The following PKIB variants were observed in gnomAD, a reference collection of about 807,000 sequenced individuals.
PKIB encodes the protein PKI-beta.
A neutral mutation model predicts 4.5 loss-of-function variants in PKIB; 2 were observed. That is an observed-to-expected ratio of 0.44 (90% CI 0.18 to 1.39). The LOEUF (loss-of-function observed/expected upper bound fraction) is 1.39. Ranked by LOEUF, PKIB falls within the 40% of genes most tolerant of loss-of-function variation. The probability of loss-of-function intolerance (pLI) is 0.27; values close to 1 mark genes in which losing one functional copy is unlikely to be tolerated. For missense variants in PKIB, 94 were observed against 92.6 expected (o/e 1.02, Z -0.06); for synonymous variants, 38 against 36.0 (o/e 1.06, Z -0.20).
At chr6:122,589,453 TAGAG>T (rs1466655118) in intron 3 of PKIB, among the ~76,000 whole-genome samples, 1 of 152,050 alleles carries the variant, frequency 6.6e-6, no homozygotes, top group Non-Finnish European at 1.5e-5. Context: ...TAAACTGAGA[TAGAG>T]ATAGTCACCT....
At chr6:122,597,069 C>T (rs556570837) in intron 3 of PKIB, among the ~76,000 whole-genome samples, 1 of 152,154 alleles carries the variant, frequency 6.6e-6, no homozygotes, top group East Asian at 1.9e-4. Flanking sequence ...CACCACTGGA[C>T]CCCTAGAAAT....
chr6:122,472,796 C>T (rs113865821), intron 1 of PKIB, among the ~76,000 whole-genome samples: 1,932 of 152,174 alleles, frequency 0.013, 46 homozygotes, highest in African/African-American at 0.045. Flanking sequence ...GTAGACCACT[C>T]TTAAAGCAAA....
chr6:122,686,232 G>A (rs1778086302), intron 3 of PKIB, among the ~76,000 whole-genome samples: 1 of 152,166 alleles, frequency 6.6e-6, no homozygotes, highest in African/African-American at 2.4e-5. Context: ...ACTTCAAAGT[G>A]TTCTCCACAG....
intron 2 of PKIB, among the ~76,000 whole-genome samples, chr6:122,565,078 A>C (rs887854095): frequency 2.0e-5 from 3 of 152,198 alleles, no homozygotes; most frequent in Admixed American, 6.5e-5. Flanking sequence ...AATGGTTTGT[A>C]AGTGGCACCG....
intron 2 of PKIB, among the ~76,000 whole-genome samples, chr6:122,577,796 A>T (rs1244088105): frequency 6.6e-6 from 1 of 151,438 alleles, no homozygotes; most frequent in African/African-American, 2.4e-5. Flanking sequence ...GTAGTCCCAG[A>T]TACTCAGGAG....
intron 2 of PKIB, among the ~76,000 whole-genome samples, chr6:122,672,859 T>G (rs1243559149): frequency 6.6e-6 from 1 of 151,972 alleles, no homozygotes; most frequent in Non-Finnish European, 1.5e-5. Context: ...CGTGCTACTG[T>G]TCTTGAAATC....
At chr6:122,660,061 A>G (rs566662307) in intron 2 of PKIB, among the ~76,000 whole-genome samples, 16 of 152,346 alleles carry the variant, frequency 1.1e-4, no homozygotes, top group African/African-American at 3.8e-4. Context: ...TGAGTTAGAA[A>G]TGTCAAACAA....
chr6:122,477,568 A>T (rs960016668), intron 1 of PKIB, among the ~76,000 whole-genome samples: 3 of 152,088 alleles, frequency 2.0e-5, no homozygotes, highest in Non-Finnish European at 4.4e-5. Flanking sequence ...TATTTTAGCC[A>T]ATTTATCCTG....
intron 2 of PKIB, among the ~76,000 whole-genome samples, chr6:122,671,447 A>G (rs191803312): frequency 1.2e-4 from 18 of 152,324 alleles, no homozygotes; most frequent in Admixed American, 7.8e-4. Flanking sequence ...CCTGATCCCC[A>G]GTCTTACAGA....
chr6:122,613,593 A>G (rs1774853905), intron 1 of PKIB, among the ~76,000 whole-genome samples: 1 of 152,160 alleles, frequency 6.6e-6, no homozygotes, highest in Non-Finnish European at 1.5e-5. Flanking sequence ...GTGACATTAC[A>G]TGGAAATAAT....
chr6:122,544,229 G>A (rs865799896), intron 2 of PKIB, among the ~76,000 whole-genome samples: 85 of 151,726 alleles, frequency 5.6e-4, no homozygotes, highest in Middle Eastern at 3.4e-3. Context: ...ATTAAACATT[G>A]AAATTTAAAC....
At chr6:122,478,174 AAAAGTCCT>A (rs1308826700) in intron 2 of PKIB, 1 of 152,034 alleles carries the variant, frequency 6.6e-6, no homozygotes, top group Non-Finnish European at 1.5e-5. Context: ...TTTCCTCCAG[AAAAGTCCT>A]ATCTTTTTAA....
intron 2 of PKIB, among the ~76,000 whole-genome samples, chr6:122,567,276 T>C (rs1773221871): frequency 6.6e-6 from 1 of 152,214 alleles, no homozygotes; most frequent in African/African-American, 2.4e-5. Flanking sequence ...GGAGCAGTCC[T>C]CAAATAGTGG....
At chr6:122,671,295 A>C (rs1374296094) in intron 2 of PKIB, among the ~76,000 whole-genome samples, 1 of 152,128 alleles carries the variant, frequency 6.6e-6, no homozygotes, top group East Asian at 1.9e-4. Flanking sequence ...TGTCTCAAAA[A>C]AAAAAAAAAA....
rs77659800 is a variant in PKIB at position 122,717,942 on chromosome 6, G to A, written c.148G>A (p.Glu50Lys). 4.8e-5 allele frequency: 78 copies of A among 1,613,458 alleles called. No individual in the cohort carries two copies. Among genetic ancestry groups the A allele is most frequent in the Middle Eastern group, 1.6e-4 (1 of 6,082 alleles). Residue 50 changes from glutamate (E) to lysine (K), a missense_variant, in exon 4 of 5, where the codon GAG (glutamate) becomes AAG (lysine). Transcript: ENST00000368452. The part of the protein sequence containing the change: ...DGTSDLPLKL[E>K]ALSVKEDAKE... Reference sequence around the variant, plus strand: ...AACCTCAGATTTGCCCCTCAAACTGGAGGCTCTCTCCGTGAAGGAAGGTAA... The same window carrying A: ...AACCTCAGATTTGCCCCTCAAACTGAAGGCTCTCTCCGTGAAGGAAGGTAA...
chr6:122,689,561 T>C (rs1778239922), intron 3 of PKIB, among the ~76,000 whole-genome samples: 1 of 152,202 alleles, frequency 6.6e-6, no homozygotes, highest in Non-Finnish European at 1.5e-5. Flanking sequence ...CATGTGTTTG[T>C]ATAGGTTCCA....
intron 2 of PKIB, among the ~76,000 whole-genome samples, chr6:122,522,794 A>C (rs955675627): frequency 1.3e-5 from 2 of 152,178 alleles, no homozygotes; most frequent in African/African-American, 4.8e-5. Context: ...TTGGAAATGC[A>C]GAAATCCCTT....
In PKIB at chr6:122,583,066, G is replaced by A. The variant is rs117627413; in HGVS notation, c.-247-2855G>A. On this transcript the variant is annotated intron_variant, in intron 2 of 6. Transcript: ENST00000392491. ...GATAGAAAAAACATTTATACCCCAAGTGTTTTCTTTCTTTTCCTTTTTTCT... is the reference window on the plus strand; with the variant it reads ...GATAGAAAAAACATTTATACCCCAAATGTTTTCTTTCTTTTCCTTTTTTCT... Among the ~76,000 whole-genome samples the A allele has an allele frequency of 3.2e-4, 48 of 151,986 alleles. No individual in the cohort carries two copies. In the East Asian group the frequency reaches 8.5e-3, roughly 27 times the overall value.
intron 1 of PKIB, among the ~76,000 whole-genome samples, chr6:122,627,266 A>G (rs1775491261): frequency 6.6e-6 from 1 of 151,754 alleles, no homozygotes; most frequent in South Asian, 2.1e-4. Flanking sequence ...AGAAAAAAAA[A>G]TCATCTCACC....
Sources: allele counts gnomAD v4.1 joint callset (sites outside exome capture counted in the v4.1 genomes callset), GRCh38; gene constraint gnomAD v4.1.1; transcripts MANE v1.5; gene names NCBI Gene and HGNC (gene_info 2026-07-23, HGNC 2026-07-21).